The following FRAS1 variants were observed in gnomAD, a reference collection of about 807,000 sequenced individuals.
FRAS1 encodes the protein extracellular matrix organizing protein FRAS1.
FRAS1 carries 290 observed loss-of-function variants against 435.2 expected under a neutral mutation model. The observed-to-expected ratio is 0.67, with a 90% CI of 0.61 to 0.73. The LOEUF is 0.73. FRAS1 is among the 30% of genes least tolerant of loss of function. FRAS1 has a pLI of 0.00. For missense variants in FRAS1, 4,860 were observed against 5,001.5 expected (o/e 0.97, Z 0.85); for synonymous variants, 1,800 against 1,851.0 (o/e 0.97, Z 0.71).
chr4:78,264,287 G>C (rs1726247440), intron 6 of FRAS1, among the ~76,000 whole-genome samples: 1 of 152,152 alleles, frequency 6.6e-6, no homozygotes. Flanking sequence ...GGTGGTTGTG[G>C]CAGAGGTGAG....
chr4:78,060,730 C>A (rs2055494), intron 1 of FRAS1, among the ~76,000 whole-genome samples: 74,892 of 151,738 alleles, frequency 0.49, 19,637 homozygotes, highest in African/African-American at 0.68. Context: ...AAATGAGGTA[C>A]ATTACGTGAT....
chr4:78,525,652 T>C (rs540252855), intron 69 of FRAS1, among the ~76,000 whole-genome samples: 2 of 152,334 alleles, frequency 1.3e-5, no homozygotes, highest in East Asian at 3.9e-4. Context: ...TCACAAACAG[T>C]TATAATGAAG....
chr4:78,149,950 C>T (rs1720574330), intron 2 of FRAS1, among the ~76,000 whole-genome samples: 4 of 152,138 alleles, frequency 2.6e-5, no homozygotes, highest in Admixed American at 2.6e-4. Flanking sequence ...GCAGTGGTGG[C>T]TCCAAGAGGC....
intron 3 of FRAS1, among the ~76,000 whole-genome samples, chr4:78,240,654 G>A (rs1360077168): frequency 6.6e-6 from 1 of 152,228 alleles, no homozygotes; most frequent in Non-Finnish European, 1.5e-5. Context: ...CAGAGGAGAC[G>A]ATGGGGCTGG....
At chr4:78,428,582 C>A (rs1178792734) in intron 35 of FRAS1, among the ~76,000 whole-genome samples, 1 of 152,196 alleles carries the variant, frequency 6.6e-6, no homozygotes, top group Non-Finnish European at 1.5e-5. Context: ...CTCGGCCTCC[C>A]AGAGTGCTGG....
At chr4:78,306,006 G>T (rs1728693849) in intron 14 of FRAS1, among the ~76,000 whole-genome samples, 2 of 152,006 alleles carry the variant, frequency 1.3e-5, no homozygotes, top group African/African-American at 4.8e-5. Flanking sequence ...GGTACCGGTT[G>T]TTCCTTTCCA....
rs762909923 is a variant in FRAS1, at chr4:78,065,081, T to TATATATATACACACACACAC, written c.77-901_77-900insTATATACACACACACACATA. Among the ~76,000 whole-genome samples the TATATATATACACACACACAC allele has an allele frequency of 1.2e-4, 15 of 125,696 alleles. 1 individual carries two copies. Among genetic ancestry groups the TATATATATACACACACACAC allele is most frequent in the East Asian group, 4.6e-4 (2 of 4,392 alleles). The allele number at this position is 125,696 out of a possible 152,430, so 82.5% of individuals were successfully genotyped here. ...GTGTATATATATATATATATATATA[T>TATATATATACACACACACAC]ATACATACACACACACACACTAAAT... On this transcript the variant is annotated intron_variant, in intron 1 of 73. Transcript: ENST00000512123.
intron 18 of FRAS1, chr4:78,319,362 C>A: frequency 2.2e-6 from 1 of 459,966 alleles, no homozygotes; most frequent in Non-Finnish European, 4.4e-6. Context: ...CCCTTCAGGG[C>A]AAAATCTGGA....
At chr4:78,466,119 A>C in intron 49 of FRAS1, 89 bp from the exon 50 acceptor site, 1 of 1,003,756 alleles carries the variant, frequency 1.0e-6, no homozygotes, top group Non-Finnish European at 1.5e-6. Flanking sequence ...TTTGGGTTCT[A>C]CTACCCTTGA....
intron 2 of FRAS1, among the ~76,000 whole-genome samples, chr4:78,116,959 TG>T (rs2109954230): frequency 6.6e-6 from 1 of 152,320 alleles, no homozygotes; most frequent in South Asian, 2.1e-4. Flanking sequence ...GTTTTTGCAG[TG>T]GGTCTTACCA....
chr4:78,104,043 G>T (rs1175008303), intron 2 of FRAS1, among the ~76,000 whole-genome samples: 1 of 152,172 alleles, frequency 6.6e-6, no homozygotes, highest in Non-Finnish European at 1.5e-5. Flanking sequence ...CATGCTTACA[G>T]CTCACTTAGC....
rs570690251 is a variant in FRAS1, at chr4:78,062,068, G to C, written c.77-3917G>C. Among the ~76,000 whole-genome samples the C allele has an allele frequency of 2.0e-5, 3 of 152,196 alleles. No homozygotes were observed. The East Asian group carries it at 5.8e-4, about 29-fold the overall frequency. On this transcript the variant is annotated intron_variant, in intron 1 of 73. Coordinates refer to ENST00000512123, the MANE Select transcript of FRAS1 (RefSeq NM_025074.7). The stretch of plus-strand genomic sequence containing the variant: ...TTCTGGGCATTACTCTCCTTATATA[G>C]TGTACATCCTTTAGTAAGGACCCAG...
intron 37 of FRAS1, among the ~76,000 whole-genome samples, chr4:78,431,545 T>A (rs1279874962): frequency 6.6e-6 from 1 of 152,178 alleles, no homozygotes; most frequent in Non-Finnish European, 1.5e-5. Context: ...TAGCACTAGT[T>A]ATTAGAACTA....
chr4:78,392,258 G>A (rs1013132986), intron 29 of FRAS1, among the ~76,000 whole-genome samples: 1 of 152,094 alleles, frequency 6.6e-6, no homozygotes, highest in Non-Finnish European at 1.5e-5. Flanking sequence ...AATTTTAATA[G>A]CTATGATATA....
intron 37 of FRAS1, among the ~76,000 whole-genome samples, chr4:78,432,056 A>G (rs75341206): frequency 0.018 from 2,679 of 152,316 alleles, 96 homozygotes; most frequent in African/African-American, 0.061. Flanking sequence ...ACTAGATATT[A>G]TAGAGGCAGA....
intron 23 of FRAS1, among the ~76,000 whole-genome samples, chr4:78,370,638 A>C (rs893672689): frequency 2.6e-5 from 4 of 152,206 alleles, no homozygotes; most frequent in African/African-American, 9.7e-5. Flanking sequence ...GCTACCTCCA[A>C]GCTTGATAAG....
In FRAS1 at chr4:78,429,154, G is replaced by T. The variant is rs377033753; in HGVS notation, c.4771G>T (p.Asp1591Tyr). Reference sequence around the variant, plus strand: ...CCTCACCATTCACTTACTTCCCAGTGATCAGCAACTGCCAGTGTTCCAGGT... The same window carrying T: ...CCTCACCATTCACTTACTTCCCAGTTATCAGCAACTGCCAGTGTTCCAGGT... ...MVLTIHLLPSDQQLPVFQVTA... is the reference protein window; with the variant it reads ...MVLTIHLLPSYQQLPVFQVTA... The change falls in exon 36 of 74, where the codon GAT becomes TAT. Residue 1591 changes from aspartate (D) to tyrosine (Y), a missense_variant. Physicochemically the swap from Asp to Tyr is radical, Grantham distance 160. Transcript: ENST00000512123. The T allele has an allele frequency of 1.3e-6, 2 of 1,592,362 alleles. No individual in the cohort carries two copies. The highest frequency in any genetic ancestry group is 1.7e-6 in the Non-Finnish European group (2 of 1,169,390).
chr4:78,388,235 G>A (rs28755926), intron 29 of FRAS1, among the ~76,000 whole-genome samples: 3,814 of 150,784 alleles, frequency 0.025, 164 homozygotes, highest in African/African-American at 0.088. Context: ...TGAGGCAGGA[G>A]AATGGCGTGA....
intron 2 of FRAS1, among the ~76,000 whole-genome samples, chr4:78,095,068 A>T (rs1741725775): frequency 6.6e-6 from 1 of 152,252 alleles, no homozygotes; most frequent in Non-Finnish European, 1.5e-5. Flanking sequence ...AACATTTTTA[A>T]AAATCACAAT....
Sources: allele counts gnomAD v4.1 joint callset (sites outside exome capture counted in the v4.1 genomes callset), GRCh38; gene constraint gnomAD v4.1.1; transcripts MANE v1.5; gene names NCBI Gene and HGNC (gene_info 2026-07-23, HGNC 2026-07-21).